GUCY2C: variants seen among roughly 807,000 people sequenced by gnomAD.
The protein encoded by GUCY2C is guanylyl cyclase C.
In GUCY2C, 118 loss-of-function variants were observed where a neutral mutation model predicts 131.1. The observed-to-expected ratio is 0.90, with a 90% CI of 0.78 to 1.05. The LOEUF (loss-of-function observed/expected upper bound fraction) is 1.05. Among genes scored for constraint, GUCY2C ranks in the 50% least tolerant of loss-of-function variants. The pLI, the probability that GUCY2C is intolerant of heterozygous loss-of-function variation, is 0.00. For synonymous variants in GUCY2C, 452 were observed against 457.8 expected (o/e 0.99, Z 0.16); for missense variants, 1,161 against 1,304.4 (o/e 0.89, Z 1.69).
At chr12:14,651,919 T>C (rs1189331497) in intron 14 of GUCY2C, 40 bp downstream of exon 14, 3 of 1,092,540 alleles carry the variant, frequency 2.7e-6, no homozygotes, top group South Asian at 1.3e-5. Context: ...GGAAATGAAG[T>C]GAAGTTATTT....
chr12:14,681,181 A>G (rs1289531050), intron 5 of GUCY2C, among the ~76,000 whole-genome samples, 175 bp downstream of exon 5: 2 of 152,178 alleles, frequency 1.3e-5, no homozygotes, highest in Non-Finnish European at 2.9e-5. Flanking sequence ...TTTTTAGTCA[A>G]TGAAAGGAAC....
intron 10 of GUCY2C, among the ~76,000 whole-genome samples, chr12:14,669,371 A>AT (rs796096394): frequency 0.013 from 1,796 of 140,234 alleles, 23 homozygotes; most frequent in African/African-American, 0.041. Context: ...TGCCTGGGTA[A>AT]TTTTTTTTTT....
chr12:14,626,493 T>A (rs1161781004), intron 20 of GUCY2C, among the ~76,000 whole-genome samples: 1 of 152,220 alleles, frequency 6.6e-6, no homozygotes, highest in Non-Finnish European at 1.5e-5. Context: ...GCTTTAAGAA[T>A]GCATATACCA....
chr12:14,696,222 A>G lies in GUCY2C; in HGVS notation c.217+10T>C, dbSNP rs764466536. On this transcript the variant is annotated intron_variant, in intron 1 of 26. Coordinates refer to ENST00000261170, the MANE Select transcript of GUCY2C (RefSeq NM_004963.4). ...CAGAGTGGAGGAAGATTCTATTAAC[A>G]TTTTCTTACCAGCATTTTGCAGACG... 7 of 1,605,220 alleles carry G rather than the reference A, an allele frequency of 4.4e-6. No homozygotes were observed. Among genetic ancestry groups the G allele is most frequent in the African/African-American group, 1.3e-5 (1 of 74,736 alleles).
chr12:14,679,518 G>C, intron 6 of GUCY2C, 139 bp downstream of exon 6: 1 of 590,214 alleles, frequency 1.7e-6, no homozygotes, highest in Non-Finnish European at 3.1e-6. Context: ...ATGACAGTGT[G>C]ACAGAGTTCA....
At chr12:14,675,690 C>A (rs1051434612) in intron 7 of GUCY2C, among the ~76,000 whole-genome samples, 13 of 152,116 alleles carry the variant, frequency 8.5e-5, no homozygotes, top group Non-Finnish European at 1.5e-4. Flanking sequence ...AGAATGGTGA[C>A]CTTCACAGGG....
intron 10 of GUCY2C, among the ~76,000 whole-genome samples, chr12:14,661,281 C>T (rs186537117): frequency 9.3e-4 from 142 of 152,240 alleles, no homozygotes; most frequent in African/African-American, 3.3e-3. Context: ...TTTGGCTATT[C>T]TGACAGCATA....
rs749169907 is a variant in GUCY2C at position 14,625,806 on chromosome 12, T to G, written c.2359A>C (p.Lys787Gln). The G allele has an allele frequency of 4.9e-5, 79 of 1,613,856 alleles. No individual in the cohort carries two copies. Among genetic ancestry groups the G allele is most frequent in the Non-Finnish European group, 6.1e-5 (72 of 1,179,862 alleles). The change falls in exon 21 of 27, where the codon AAG (lysine) becomes CAG (glutamine). Residue 787 changes from lysine (K) to glutamine (Q), a missense_variant. Transcript: ENST00000261170. Reference sequence around the variant, plus strand: ...CTGTCAGCCCTGTCCCTCTCTGCCTTGTACAGCTGTGTCCTTTCCTCTACC... The same window carrying G: ...CTGTCAGCCCTGTCCCTCTCTGCCTGGTACAGCTGTGTCCTTTCCTCTACC... The part of the protein sequence containing the change: ...HLVEERTQLY[K>Q]AERDRADRLN...
chr12:14,635,624 T>C (rs890374480), intron 19 of GUCY2C, among the ~76,000 whole-genome samples: 3 of 151,688 alleles, frequency 2.0e-5, no homozygotes, highest in Non-Finnish European at 4.4e-5. Flanking sequence ...CTAGACAAAA[T>C]AGAGGTTGAA....
intron 10 of GUCY2C, among the ~76,000 whole-genome samples, chr12:14,666,562 C>T (rs1188266836): frequency 1.3e-5 from 2 of 152,106 alleles, no homozygotes; most frequent in African/African-American, 4.8e-5. Context: ...TGGCGAAACC[C>T]CGTCTCTACT....
rs746904140 is a variant in GUCY2C at position 14,672,928 on chromosome 12, C to T, written c.1115G>A (p.Trp372Ter). ...GYDGPVTLDDWGDVDSTMVLL... is the reference protein window; with the variant it reads ...GYDGPVTLDD ...CACCATGGTACTGTCAACATCCCCC[C>T]AGTCATCCAAGGTCACTGGACCGTC... is the stretch of plus-strand genomic sequence containing the variant. Residue 372 changes from tryptophan to a stop codon, truncating the protein, a stop_gained, in exon 9 of 27, where the codon TGG (tryptophan) becomes TAG (stop). Transcript: ENST00000261170. LOFTEE classifies it high-confidence loss of function. 1 of 1,608,764 alleles carries T rather than the reference C, an allele frequency of 6.2e-7. No homozygotes were observed. The highest frequency in any genetic ancestry group is 1.1e-5 in the South Asian group (1 of 90,936).
chr12:14,617,645 G>A (rs914425433), intron 24 of GUCY2C, among the ~76,000 whole-genome samples: 1 of 152,172 alleles, frequency 6.6e-6, no homozygotes, highest in Non-Finnish European at 1.5e-5. Context: ...CAAGTCCATT[G>A]ATGTGTATCA....
intron 15 of GUCY2C, among the ~76,000 whole-genome samples, chr12:14,650,536 G>A (rs938725611): frequency 3.9e-5 from 6 of 152,152 alleles, no homozygotes; most frequent in Non-Finnish European, 7.3e-5. Context: ...GTGAGCCACC[G>A]TGCCCAGCCT....
intron 9 of GUCY2C, 77 bp from the exon 10 acceptor site, chr12:14,669,910 T>C: frequency 1.6e-6 from 1 of 610,300 alleles, no homozygotes; most frequent in Admixed American, 3.1e-5. Context: ...TTAATGATTC[T>C]ACACAATGAC....
intron 5 of GUCY2C, among the ~76,000 whole-genome samples, chr12:14,680,209 C>T (rs924677760): frequency 2.0e-5 from 3 of 152,120 alleles, no homozygotes; most frequent in Non-Finnish European, 4.4e-5. Flanking sequence ...ATAAAGTCTC[C>T]CTAAGCAACT....
chr12:14,629,836 T>C (rs1464652429), intron 19 of GUCY2C, among the ~76,000 whole-genome samples: 1 of 152,246 alleles, frequency 6.6e-6, no homozygotes, highest in Non-Finnish European at 1.5e-5. Flanking sequence ...TGAAGTGGTC[T>C]TAGTAGGGTT....
At chr12:14,618,084 C>T (rs1946806924) in intron 24 of GUCY2C, among the ~76,000 whole-genome samples, 1 of 152,212 alleles carries the variant, frequency 6.6e-6, no homozygotes, top group Admixed American at 6.5e-5. Context: ...CTATATATTT[C>T]TACTGCTACC....
chr12:14,629,157 G>A (rs1052828778), intron 19 of GUCY2C, among the ~76,000 whole-genome samples: 15 of 152,054 alleles, frequency 9.9e-5, no homozygotes, highest in Non-Finnish European at 1.5e-5. Context: ...TGTAACAAAA[G>A]CCCACCAAGA....
rs749863841 is a variant in GUCY2C at position 14,656,545 on chromosome 12, C to T, written c.1437G>A (p.Leu479=). ...SHIPPENIFP[L]ETNETNHVSL... is the part of the protein sequence containing the mutation. ...TAACATGATTGGTCTCATTGGTCTCCAGAGGAAAGATATTTTCAGGAGGAA... is the reference window on the plus strand; with the variant it reads ...TAACATGATTGGTCTCATTGGTCTCTAGAGGAAAGATATTTTCAGGAGGAA... The change falls in exon 12 of 27, where the codon CTG becomes CTA. Residue 479 remains leucine, a synonymous_variant. Coordinates refer to ENST00000261170, the MANE Select transcript of GUCY2C (RefSeq NM_004963.4). 6.2e-7 allele frequency: 1 copy of T among 1,600,372 alleles called. No individual in the cohort carries two copies. The highest frequency in any genetic ancestry group is 8.6e-7 in the Non-Finnish European group (1 of 1,167,668).
Sources: gnomAD v4.1 joint callset for allele counts (sites outside exome capture counted in the v4.1 genomes callset) on GRCh38, gnomAD v4.1.1 for gene constraint, MANE v1.5 for transcripts, NCBI Gene and HGNC (gene_info 2026-07-23, HGNC 2026-07-21) for gene names.